The following PNPT1 variants were observed in gnomAD, a reference collection of about 807,000 sequenced individuals.
PNPT1 encodes the protein polyribonucleotide nucleotidyltransferase 1.
PNPT1 carries 53 observed loss-of-function variants against 119.5 expected under a neutral mutation model. The observed-to-expected ratio is 0.44, with a 90% CI of 0.36 to 0.56. PNPT1 has a LOEUF of 0.56. PNPT1 is among the 20% of genes least tolerant of loss of function. The pLI is 0.00. For missense variants in PNPT1, 948 were observed against 938.5 expected (o/e 1.01, Z -0.13); for synonymous variants, 357 against 322.1 (o/e 1.11, Z -1.16).
chr2:55,641,197 C>T (rs1289825105), intron 25 of PNPT1, among the ~76,000 whole-genome samples: 1 of 152,152 alleles, frequency 6.6e-6, no homozygotes, highest in African/African-American at 2.4e-5. Flanking sequence ...ACACTCCAAC[C>T]TGGCAACAGA....
chr2:55,640,878 T>C (rs527383177), intron 25 of PNPT1, among the ~76,000 whole-genome samples, 173 bp from the exon 26 acceptor site: 2 of 152,080 alleles, frequency 1.3e-5, no homozygotes, highest in East Asian at 3.9e-4. Context: ...ACCCTATAAA[T>C]AAATATGTGT....
chr2:55,639,284 TAAG>T (rs1442136612), intron 26 of PNPT1, among the ~76,000 whole-genome samples: 3 of 152,104 alleles, frequency 2.0e-5, no homozygotes, highest in Admixed American at 1.3e-4. Context: ...TTCAAAATAA[TAAG>T]GTGAAAAAAA....
At chr2:55,650,036 G>A (rs182892738) in intron 18 of PNPT1, among the ~76,000 whole-genome samples, 14 of 152,284 alleles carry the variant, frequency 9.2e-5, no homozygotes, top group African/African-American at 3.1e-4. Context: ...TGCCTCTCGA[G>A]TCCCTACCTC....
intron 18 of PNPT1, among the ~76,000 whole-genome samples, chr2:55,651,885 C>CAAAAAAAAAAA: frequency 2.5e-5 from 3 of 119,774 alleles, no homozygotes; most frequent in East Asian, 2.6e-4. Flanking sequence ...AAAGGAAAGT[C>CAAAAAAAAAAA]AAAAAAAAAA....
At chr2:55,682,454 C>G (rs1697277710) in intron 5 of PNPT1, among the ~76,000 whole-genome samples, 1 of 151,384 alleles carries the variant, frequency 6.6e-6, no homozygotes, top group African/African-American at 2.4e-5. Context: ...GAGGGAGACT[C>G]TGTCTCAAAA....
rs1182468536 is a variant in PNPT1, at chr2:55,636,088, C to T, written c.*149G>A. ...TGGGTTACTCGAATTAAAAAAATGG[C>T]ACATGTAAATGAGCATTTTAGTACA... On this transcript the variant is annotated 3_prime_UTR_variant, in exon 28 of 28. Coordinates refer to ENST00000447944, the MANE Select transcript of PNPT1 (RefSeq NM_033109.5). The T allele has an allele frequency of 2.3e-6, 1 of 438,998 alleles. No individual in the cohort carries two copies. The highest frequency in any genetic ancestry group is 2.0e-5 in the African/African-American group (1 of 49,314). The allele number at this position is 438,998 out of a possible 1,614,324, so 27.2% of individuals were successfully genotyped here.
In PNPT1 at chr2:55,646,233, A is replaced by C. The variant is rs373001216; in HGVS notation, c.1738+26T>G. 38 of 1,587,130 alleles carry C rather than the reference A, an allele frequency of 2.4e-5. No homozygotes were observed. The South Asian group carries it at 3.6e-4, about 15-fold the overall frequency. ...CCATTAGCAAAGTGGAAAAGAATGA[A>C]GGGAGAATCAAGCACACTAGCTCAC... On this transcript the variant is annotated intron_variant, in intron 21 of 27. Coordinates refer to ENST00000447944, the MANE Select transcript of PNPT1 (RefSeq NM_033109.5).
At position 55,671,347 on chromosome 2, in the gene PNPT1, T is replaced by G. The variant is rs2104121460; in HGVS notation, c.948A>C (p.Ile316=). The change falls in exon 11 of 28, where the codon ATA becomes ATC. Residue 316 remains isoleucine (I), a synonymous_variant. Transcript: ENST00000447944. ...KVSRDEAVNK[I]RLDTEEQLKE... Reference sequence around the variant, plus strand: ...TTAGTTGTTCCTCCGTATCTAATCTTATTTTGTTAACAGCTTCATCTCTGG... The same window carrying G: ...TTAGTTGTTCCTCCGTATCTAATCTGATTTTGTTAACAGCTTCATCTCTGG... The G allele has an allele frequency of 1.3e-6, 2 of 1,544,032 alleles. No homozygotes were observed. The highest frequency in any genetic ancestry group is 1.9e-4 in the Middle Eastern group (1 of 5,304).
Position 55,680,915 on chromosome 2 carries a change from G to A in PNPT1, c.457C>T (p.Leu153=), listed in dbSNP as rs200784773. ...PAGYFYDTQV[L]CNLLAVDGVN... Reference sequence around the variant, plus strand: ...CCATCTACTGCTAACAGATTACACAGAACCTGGTAAAAGGGAAAAAATTTG... The same window carrying A: ...CCATCTACTGCTAACAGATTACACAAAACCTGGTAAAAGGGAAAAAATTTG... The change falls in exon 6 of 28, where the codon CTG becomes TTG. Residue 153 remains leucine (L), a synonymous_variant. Coordinates refer to ENST00000447944, the MANE Select transcript of PNPT1 (RefSeq NM_033109.5). 1 of 1,612,610 alleles carries A rather than the reference G, an allele frequency of 6.2e-7. No homozygotes were observed. Among genetic ancestry groups the A allele is most frequent in the East Asian group, 2.2e-5 (1 of 44,858 alleles).
chr2:55,672,091 C>G (rs750564927), intron 9 of PNPT1, 45 bp from the exon 10 acceptor site: 1 of 1,438,624 alleles, frequency 7.0e-7, no homozygotes, highest in South Asian at 1.3e-5. Context: ...TATCTGGAAA[C>G]AAGAGGCAGT....
At chr2:55,688,095 A>G (rs1697471891) in intron 1 of PNPT1, among the ~76,000 whole-genome samples, 1 of 151,178 alleles carries the variant, frequency 6.6e-6, no homozygotes, top group Admixed American at 6.6e-5. Context: ...CCAGGCTGGA[A>G]TGCAGTGGCA....
chr2:55,684,949 T>G lies in PNPT1; in HGVS notation c.397A>C (p.Ile133Leu). ...TSDKEILTSR[I>L]IDRSIRPLFP... ...CTCTATGTTAATATCTTACCTATTATTCGACTTGTTAGAATTTCTTTATCA... is the reference window on the plus strand; with the variant it reads ...CTCTATGTTAATATCTTACCTATTAGTCGACTTGTTAGAATTTCTTTATCA... The change falls in exon 4 of 28, where the codon ATA becomes CTA. Residue 133 changes from isoleucine to leucine, a missense_variant. Ile to Leu is a conservative substitution (Grantham distance 5). Coordinates refer to ENST00000447944, the MANE Select transcript of PNPT1 (RefSeq NM_033109.5). The G allele has an allele frequency of 6.4e-7, 1 of 1,571,582 alleles. No homozygotes were observed. The highest frequency in any genetic ancestry group is 8.7e-7 in the Non-Finnish European group (1 of 1,151,832).
intron 8 of PNPT1, among the ~76,000 whole-genome samples, chr2:55,678,487 C>T (rs748238178): frequency 2.6e-5 from 4 of 152,178 alleles, no homozygotes; most frequent in African/African-American, 4.8e-5. Context: ...GTGCTTAAAA[C>T]GCAGGTTGAC....
chr2:55,676,473 T>C (rs1200468478), intron 8 of PNPT1, among the ~76,000 whole-genome samples: 1 of 152,060 alleles, frequency 6.6e-6, no homozygotes, highest in Non-Finnish European at 1.5e-5. Flanking sequence ...AAAACAAACA[T>C]CTAAATGGTA....
intron 14 of PNPT1, 53 bp from the exon 15 acceptor site, chr2:55,660,246 T>C: frequency 6.7e-7 from 1 of 1,503,378 alleles, no homozygotes; most frequent in Non-Finnish European, 8.9e-7. Context: ...AACATATTTA[T>C]TTCAAAACAC....
chr2:55,676,862 C>T (rs576607411), intron 8 of PNPT1, among the ~76,000 whole-genome samples: 29 of 103,802 alleles, frequency 2.8e-4, no homozygotes, highest in Non-Finnish European at 5.2e-4. Flanking sequence ...ACCTGGTCTC[C>T]AAAAAAAAAA....
At chr2:55,677,460 G>A (rs928503904) in intron 8 of PNPT1, among the ~76,000 whole-genome samples, 3 of 151,870 alleles carry the variant, frequency 2.0e-5, no homozygotes, top group East Asian at 2.0e-4. Context: ...TGGGCATGGC[G>A]GTGCACGCCT....
At chr2:55,660,295 G>A in intron 14 of PNPT1, 102 bp from the exon 15 acceptor site, 1 of 1,220,036 alleles carries the variant, frequency 8.2e-7, no homozygotes, top group Non-Finnish European at 1.1e-6. Context: ...AAAAGAACTA[G>A]GTGTTAATGA....
rs776100827 is a variant in PNPT1, at chr2:55,656,125, C to T, written c.1441+6G>A. On this transcript the variant is annotated splice_donor_region_variant and intron_variant, in intron 17 of 27. Transcript: ENST00000447944. ...CTACTATGAAAGAAGTATTTCAATA[C>T]CATACCATTTGACTCTAGGACTTCA... 19 of 1,610,322 alleles carry T rather than the reference C, an allele frequency of 1.2e-5. No individual in the cohort carries two copies. In the South Asian group the frequency reaches 1.8e-4, roughly 15 times the overall value.
Sources: allele counts gnomAD v4.1 joint callset (sites outside exome capture counted in the v4.1 genomes callset), GRCh38; gene constraint gnomAD v4.1.1; transcripts MANE v1.5; gene names NCBI Gene and HGNC (gene_info 2026-07-23, HGNC 2026-07-21).